Variants in BRINP3 observed in about 807,000 individuals in gnomAD.
BRINP3 encodes the protein BMP/retinoic acid-inducible neural-specific protein 3.
Under a neutral mutation model 71.0 loss-of-function variants are expected in BRINP3, and 19 were observed. The observed-to-expected ratio is 0.27, with a 90% CI of 0.19 to 0.39. The LOEUF (loss-of-function observed/expected upper bound fraction) is 0.39, where lower values mean the gene tolerates loss of function less well. Ranked by LOEUF, BRINP3 falls within the 10% of genes least tolerant of loss-of-function variation. The pLI is 1.00. For synonymous variants in BRINP3, 380 were observed against 337.7 expected (o/e 1.13, Z -1.37); for missense variants, 959 against 940.8 (o/e 1.02, Z -0.25).
In BRINP3 at chr1:190,181,459, C is replaced by T. The variant is rs757150061; in HGVS notation, c.962-20569G>A. 1.3e-4 allele frequency among the ~76,000 whole-genome samples: 20 copies of T among 151,816 alleles called. No individual in the cohort carries two copies. In the Middle Eastern group the frequency reaches 0.01, roughly 79 times the overall value. ...CTTGTCATTCCTTGTTTTTGCTTTC[C>T]GTTTTCTTTTTGTCCTGCTTTTCTA... On this transcript the variant is annotated intron_variant, in intron 6 of 7. Coordinates refer to ENST00000367462, the MANE Select transcript of BRINP3 (RefSeq NM_199051.3).
At position 190,381,140 on chromosome 1, in the gene BRINP3, A is replaced by G. The variant is rs1035380365; in HGVS notation, c.236+73515T>C. On this transcript the variant is annotated intron_variant, in intron 2 of 7. Transcript: ENST00000367462. ...CCCCATGATATCATGTTGCCTGACT[A>G]TTCATGCACCCATTATAAAAGCAGC... Among the ~76,000 whole-genome samples the G allele has an allele frequency of 2.6e-5, 4 of 152,246 alleles. No individual in the cohort carries two copies. The East Asian group carries it at 7.7e-4, about 29-fold the overall frequency.
intron 6 of BRINP3, among the ~76,000 whole-genome samples, chr1:190,201,862 C>T (rs1355803077): frequency 6.6e-6 from 1 of 152,174 alleles, no homozygotes; most frequent in African/African-American, 2.4e-5. Flanking sequence ...ATGGAAATGC[C>T]TGGATGTCCA....
At chr1:190,474,481 C>T (rs777869405) in intron 1 of BRINP3, 32 of 152,670 alleles carry the variant, frequency 2.1e-4, no homozygotes, top group Non-Finnish European at 4.0e-4. Flanking sequence ...AATCATCTGT[C>T]TTCCAAGCTG....
At chr1:190,273,713 A>G (rs1662313368) in intron 3 of BRINP3, among the ~76,000 whole-genome samples, 1 of 151,624 alleles carries the variant, frequency 6.6e-6, no homozygotes, top group African/African-American at 2.4e-5. Flanking sequence ...AATGAGAAAT[A>G]GAAATTAAAG....
intron 7 of BRINP3, among the ~76,000 whole-genome samples, chr1:190,150,539 G>C (rs1656300100): frequency 6.6e-6 from 1 of 152,106 alleles, no homozygotes; most frequent in Non-Finnish European, 1.5e-5. Context: ...TCATTTGTAA[G>C]ATTTACCTGA....
chr1:190,212,929 A>G (rs1326932222), intron 6 of BRINP3, among the ~76,000 whole-genome samples: 1 of 152,018 alleles, frequency 6.6e-6, no homozygotes, highest in Non-Finnish European at 1.5e-5. Context: ...TATTATTGCA[A>G]ATTGATTTTA....
intron 2 of BRINP3, among the ~76,000 whole-genome samples, chr1:190,382,089 A>G (rs1313890862): frequency 6.6e-6 from 1 of 152,068 alleles, no homozygotes; most frequent in South Asian, 2.1e-4. Flanking sequence ...GCTTTAAAAT[A>G]TATTTTTCTA....
chr1:190,411,484 T>G (rs1245565548), intron 2 of BRINP3, among the ~76,000 whole-genome samples: 1 of 152,186 alleles, frequency 6.6e-6, no homozygotes, highest in East Asian at 1.9e-4. Context: ...TTCTCCTAAT[T>G]GTCTTACTCT....
At chr1:190,390,884 T>A (rs1386496034) in intron 2 of BRINP3, among the ~76,000 whole-genome samples, 1 of 151,868 alleles carries the variant, frequency 6.6e-6, no homozygotes, top group Non-Finnish European at 1.5e-5. Context: ...GGGAGATTAA[T>A]GTTTAGCATA....
intron 2 of BRINP3, among the ~76,000 whole-genome samples, chr1:190,435,657 C>T (rs1674410816): frequency 6.6e-6 from 1 of 151,792 alleles, no homozygotes; most frequent in South Asian, 2.1e-4. Context: ...TTACTGGCAC[C>T]CCAGGATTCA....
chr1:190,099,047 G>C lies in BRINP3; in HGVS notation c.1272C>G (p.His424Gln). The change falls in exon 8 of 8, where the codon CAC becomes CAG. Residue 424 changes from histidine to glutamine, a missense_variant. His to Gln is a conservative substitution (Grantham distance 24). Coordinates refer to ENST00000367462, the MANE Select transcript of BRINP3 (RefSeq NM_199051.3). Reference sequence around the variant, plus strand: ...CCTGGTCATTCGGACACGTGCACGAGTGCGTCTCTTCTGAAAAGCTGCCTA... The same window carrying C: ...CCTGGTCATTCGGACACGTGCACGACTGCGTCTCTTCTGAAAAGCTGCCTA... Reference protein sequence around the residue: ...GLLGSFSEETHSCTCPNDQVV... With the variant: ...GLLGSFSEETQSCTCPNDQVV... The C allele has an allele frequency of 3.1e-6, 5 of 1,614,186 alleles. No individual in the cohort carries two copies. The highest frequency in any genetic ancestry group is 4.2e-6 in the Non-Finnish European group (5 of 1,180,034).
chr1:190,397,122 G>A (rs577306649), intron 2 of BRINP3, among the ~76,000 whole-genome samples: 2 of 151,834 alleles, frequency 1.3e-5, no homozygotes, highest in Admixed American at 6.6e-5. Flanking sequence ...ATAGATTTTG[G>A]TTTCTTCATT....
chr1:190,341,216 C>G (rs993251086), intron 2 of BRINP3, among the ~76,000 whole-genome samples: 1 of 151,796 alleles, frequency 6.6e-6, no homozygotes, highest in African/African-American at 2.4e-5. Flanking sequence ...GAACAAACAC[C>G]TCTGTCTTTT....
At chr1:190,227,268 A>C (rs2102706267) in intron 5 of BRINP3, among the ~76,000 whole-genome samples, 1 of 152,000 alleles carries the variant, frequency 6.6e-6, no homozygotes, top group East Asian at 1.9e-4. Flanking sequence ...CTATTATCTT[A>C]GAGGTTGATT....
chr1:190,192,523 G>GT (rs147922349), intron 6 of BRINP3, among the ~76,000 whole-genome samples: 48 of 148,738 alleles, frequency 3.2e-4, no homozygotes, highest in Non-Finnish European at 3.9e-4. Context: ...TATTAGTTTA[G>GT]TTTTTTTTTT....
intron 2 of BRINP3, among the ~76,000 whole-genome samples, chr1:190,316,562 A>AT (rs1665896687): frequency 6.6e-6 from 1 of 152,122 alleles, no homozygotes; most frequent in Non-Finnish European, 1.5e-5. Context: ...CTATCACAGT[A>AT]TTTTACTAAA....
intron 2 of BRINP3, among the ~76,000 whole-genome samples, chr1:190,289,828 T>G (rs1157850220): frequency 6.6e-6 from 1 of 152,036 alleles, no homozygotes; most frequent in Non-Finnish European, 1.5e-5. Flanking sequence ...TTAATTCAGG[T>G]CCTCTTGTTA....
chr1:190,316,267 C>T (rs1238730892), intron 2 of BRINP3, among the ~76,000 whole-genome samples: 1 of 152,026 alleles, frequency 6.6e-6, no homozygotes, highest in African/African-American at 2.4e-5. Flanking sequence ...TCTTACAATC[C>T]AATGAGGTAG....
intron 7 of BRINP3, among the ~76,000 whole-genome samples, chr1:190,151,336 G>A (rs1191686752): frequency 3.3e-5 from 5 of 151,996 alleles, no homozygotes; most frequent in Admixed American, 1.3e-4. Flanking sequence ...AAGATTTCAC[G>A]GTCAAAAACA....
Sources: gnomAD v4.1 joint callset for allele counts (sites outside exome capture counted in the v4.1 genomes callset) on GRCh38, gnomAD v4.1.1 for gene constraint, MANE v1.5 for transcripts, NCBI Gene and HGNC (gene_info 2026-07-23, HGNC 2026-07-21) for gene names.